Variants in RALGAPA2 observed in about 807,000 individuals in gnomAD.
RALGAPA2 encodes Ral GTPase activating protein catalytic subunit alpha 2, also known as ral GTPase-activating protein subunit alpha-2.
Under a neutral mutation model 230.4 loss-of-function variants are expected in RALGAPA2, and 139 were observed. That is an observed-to-expected ratio of 0.60 (90% CI 0.53 to 0.69). The LOEUF (loss-of-function observed/expected upper bound fraction) is 0.69, where lower values mean the gene tolerates loss of function less well. Among genes scored for constraint, RALGAPA2 ranks in the 30% least tolerant of loss-of-function variants. RALGAPA2 has a pLI of 0.00. For missense variants in RALGAPA2, 2,163 were observed against 2,276.0 expected (o/e 0.95, Z 1.01); for synonymous variants, 847 against 837.8 (o/e 1.01, Z -0.19).
intron 24 of RALGAPA2, among the ~76,000 whole-genome samples, chr20:20,544,847 A>G (rs2063738696): frequency 6.6e-6 from 1 of 151,434 alleles, no homozygotes; most frequent in Non-Finnish European, 1.5e-5. Flanking sequence ...AGCGAGGGGA[A>G]TATCACATAC....
intron 36 of RALGAPA2, among the ~76,000 whole-genome samples, chr20:20,473,267 T>A (rs1452708437): frequency 6.6e-6 from 1 of 152,204 alleles, no homozygotes; most frequent in East Asian, 1.9e-4. Context: ...ATCATGTGAA[T>A]TATGCATGAT....
intron 6 of RALGAPA2, 56 bp from the exon 7 acceptor site, chr20:20,639,956 A>G (rs2066978372): frequency 2.2e-6 from 3 of 1,345,550 alleles, no homozygotes; most frequent in African/African-American, 1.4e-5. Flanking sequence ...TTTAAACAGA[A>G]TTTAGGGTTT....
At chr20:20,590,961 T>G (rs961478572) in intron 17 of RALGAPA2, among the ~76,000 whole-genome samples, 1 of 152,178 alleles carries the variant, frequency 6.6e-6, no homozygotes, top group Non-Finnish European at 1.5e-5. Context: ...AGTGGGTATA[T>G]ATCTACATAT....
At chr20:20,534,170 C>T (rs1454699056) in intron 26 of RALGAPA2, among the ~76,000 whole-genome samples, 1 of 152,086 alleles carries the variant, frequency 6.6e-6, no homozygotes, top group Non-Finnish European at 1.5e-5. Flanking sequence ...GATGGCTGGG[C>T]GCAGTAGCTC....
chr20:20,673,489 A>G (rs76892620), intron 3 of RALGAPA2, among the ~76,000 whole-genome samples: 4,743 of 152,168 alleles, frequency 0.031, 279 homozygotes, highest in African/African-American at 0.11. Flanking sequence ...TTCTTTGCCA[A>G]TACATTTTAA....
In RALGAPA2 at chr20:20,572,962, G is replaced by A. The variant is rs757463183; in HGVS notation, c.2814C>T (p.Ile938=). 21 of 1,600,762 alleles carry A rather than the reference G, an allele frequency of 1.3e-5. No individual in the cohort carries two copies. The highest frequency in any genetic ancestry group is 1.8e-5 in the Non-Finnish European group (21 of 1,173,366). ...AAVLWRRVLG[I]LGDVNNIQSP... is the part of the protein sequence containing the mutation. ...ACTGGATGTTATTCACATCTCCGAG[G>A]ATCCCCAAGACCCTTCGCCATAACA... Residue 938 remains isoleucine, a synonymous_variant, in exon 21 of 40, where the codon ATC becomes ATT. Coordinates refer to ENST00000202677, the MANE Select transcript of RALGAPA2 (RefSeq NM_020343.4).
At chr20:20,637,940 G>T (rs1405317052) in intron 7 of RALGAPA2, among the ~76,000 whole-genome samples, 2 of 152,020 alleles carry the variant, frequency 1.3e-5, no homozygotes, top group Admixed American at 6.6e-5. Flanking sequence ...TTCAACCAAT[G>T]TTACCTACAT....
intron 21 of RALGAPA2, among the ~76,000 whole-genome samples, chr20:20,572,405 T>A (rs993485693): frequency 6.7e-6 from 1 of 148,874 alleles, no homozygotes; most frequent in Non-Finnish European, 1.5e-5. Context: ...ATGGCGCCAC[T>A]GCACTCCAGC....
chr20:20,480,411 G>T (rs2061747674), intron 36 of RALGAPA2, among the ~76,000 whole-genome samples: 1 of 152,198 alleles, frequency 6.6e-6, no homozygotes, highest in Non-Finnish European at 1.5e-5. Flanking sequence ...AGCTAAGTGG[G>T]ATATATTACC....
At chr20:20,511,098 A>G (rs1292604822) in intron 33 of RALGAPA2, among the ~76,000 whole-genome samples, 156 bp downstream of exon 33, 3 of 152,200 alleles carry the variant, frequency 2.0e-5, no homozygotes, top group Non-Finnish European at 4.4e-5. Context: ...AGTAAAAAAC[A>G]CCAACGGTAT....
intron 35 of RALGAPA2, among the ~76,000 whole-genome samples, chr20:20,500,455 T>C (rs1184740877): frequency 6.6e-6 from 1 of 152,248 alleles, no homozygotes; most frequent in Non-Finnish European, 1.5e-5. Flanking sequence ...AGAAACCCAC[T>C]TTCTTTGCTT....
chr20:20,624,328 C>CAAAAAA (rs748683871), intron 10 of RALGAPA2, among the ~76,000 whole-genome samples: 3 of 49,120 alleles, frequency 6.1e-5, no homozygotes, highest in East Asian at 9.6e-4. Flanking sequence ...ACTCCATCTC[C>CAAAAAA]AAAAAAAAAA....
At chr20:20,572,677 G>A (rs1317708894) in intron 21 of RALGAPA2, among the ~76,000 whole-genome samples, 198 bp downstream of exon 21, 1 of 151,842 alleles carries the variant, frequency 6.6e-6, no homozygotes, top group Non-Finnish European at 1.5e-5. Context: ...TTCTACTTTT[G>A]CACTAAATGA....
intron 2 of RALGAPA2, among the ~76,000 whole-genome samples, 162 bp from the exon 3 acceptor site, chr20:20,676,450 G>C (rs546620470): frequency 7.5e-4 from 102 of 135,988 alleles, no homozygotes; most frequent in African/African-American, 2.7e-3. Flanking sequence ...ATTGCAAACA[G>C]ACAACCGAGC....
At chr20:20,698,588 T>C (rs959879797) in intron 1 of RALGAPA2, among the ~76,000 whole-genome samples, 1 of 152,128 alleles carries the variant, frequency 6.6e-6, no homozygotes, top group African/African-American at 2.4e-5. Flanking sequence ...ATTTTGTATT[T>C]TTAGTTTTAC....
Position 20,583,065 on chromosome 20 carries a change from C to T in RALGAPA2, c.2692G>A (p.Ala898Thr), listed in dbSNP as rs1377461599. 1.2e-6 allele frequency: 2 copies of T among 1,613,010 alleles called. No individual in the cohort carries two copies. Among genetic ancestry groups the T allele is most frequent in the African/African-American group, 1.3e-5 (1 of 74,972 alleles). The change falls in exon 20 of 40, where the codon GCT becomes ACT. Residue 898 changes from alanine (A) to threonine (T), a missense_variant. Ala to Thr is a moderately conservative substitution (Grantham distance 58). Coordinates refer to ENST00000202677, the MANE Select transcript of RALGAPA2 (RefSeq NM_020343.4). ...RHWLQLSPTDASNLTDSSECL... is the reference protein window; with the variant it reads ...RHWLQLSPTDTSNLTDSSECL... Reference sequence around the variant, plus strand: ...TGCAATTTACCTGTTAAATTTGAAGCATCGGTGGGACTCAGTTGTAACCAA... The same window carrying T: ...TGCAATTTACCTGTTAAATTTGAAGTATCGGTGGGACTCAGTTGTAACCAA...
chr20:20,558,295 C>T (rs6046935), intron 23 of RALGAPA2, among the ~76,000 whole-genome samples: 2 of 152,194 alleles, frequency 1.3e-5, no homozygotes, highest in African/African-American at 2.4e-5. Context: ...GAAAAGGCAC[C>T]GCGCCCAGCC....
chr20:20,683,862 C>A (rs2068607584), intron 1 of RALGAPA2, among the ~76,000 whole-genome samples: 1 of 152,168 alleles, frequency 6.6e-6, no homozygotes, highest in Middle Eastern at 3.2e-3. Flanking sequence ...TAATATCTGA[C>A]AGGATTAATG....
intron 23 of RALGAPA2, among the ~76,000 whole-genome samples, chr20:20,549,003 T>C (rs1280731234): frequency 6.6e-6 from 1 of 152,224 alleles, no homozygotes; most frequent in African/African-American, 2.4e-5. Flanking sequence ...GTTAACTTTG[T>C]TATGCTTGTG....
Sources: gnomAD v4.1 joint callset for allele counts (sites outside exome capture counted in the v4.1 genomes callset) on GRCh38, gnomAD v4.1.1 for gene constraint, MANE v1.5 for transcripts, NCBI Gene and HGNC (gene_info 2026-07-23, HGNC 2026-07-21) for gene names.